Variants in ANKUB1 observed in about 807,000 individuals in gnomAD.
ANKUB1 encodes ankyrin repeat and ubiquitin domain containing 1, also known as protein ANKUB1.
A neutral mutation model predicts 49.3 loss-of-function variants in ANKUB1; 42 were observed. That is an observed-to-expected ratio of 0.85 (90% CI 0.67 to 1.10). ANKUB1 has a LOEUF of 1.10. Among genes scored for constraint, ANKUB1 ranks in the 50% least tolerant of loss-of-function variants. ANKUB1 has a pLI of 0.00. For synonymous variants in ANKUB1, 222 were observed against 231.0 expected (o/e 0.96, Z 0.35); for missense variants, 613 against 642.0 (o/e 0.95, Z 0.49).
intron 5 of ANKUB1, among the ~76,000 whole-genome samples, chr3:149,765,941 G>T (rs1716994041): frequency 1.3e-5 from 2 of 152,160 alleles, no homozygotes; most frequent in Non-Finnish European, 2.9e-5. Context: ...TCACCACAAG[G>T]TGGCAACAAC....
intron 4 of ANKUB1, 86 bp downstream of exon 4, chr3:149,770,474 T>A: frequency 1.1e-6 from 1 of 931,892 alleles, no homozygotes; most frequent in Non-Finnish European, 1.7e-6. Context: ...AGCTGTAGAG[T>A]GAGTGAATTG....
chr3:149,791,620 G>T (rs576500053), intron 1 of ANKUB1, among the ~76,000 whole-genome samples: 4 of 152,172 alleles, frequency 2.6e-5, no homozygotes, highest in African/African-American at 9.6e-5. Context: ...AGTAAATGCC[G>T]CTTAGCAAAT....
intron 3 of ANKUB1, among the ~76,000 whole-genome samples, chr3:149,777,616 T>G (rs1717661539): frequency 6.6e-6 from 1 of 152,244 alleles, no homozygotes. Flanking sequence ...TGTTTCCCAG[T>G]GCTCTCAGCA....
intron 3 of ANKUB1, among the ~76,000 whole-genome samples, chr3:149,775,157 C>A (rs754252304): frequency 6.6e-6 from 1 of 152,218 alleles, no homozygotes; most frequent in Non-Finnish European, 1.5e-5. Flanking sequence ...TTTAGGCAAT[C>A]ATCTTCAACC....
chr3:149,780,722 A>G (rs1717824938), intron 2 of ANKUB1, among the ~76,000 whole-genome samples: 1 of 152,166 alleles, frequency 6.6e-6, no homozygotes, highest in Non-Finnish European at 1.5e-5. Flanking sequence ...GATACATAAG[A>G]GTGTTGATAA....
In ANKUB1 at chr3:149,770,657, C is replaced by T. The variant is rs1717312937; in HGVS notation, c.469G>A (p.Asp157Asn). 5 of 1,548,330 alleles carry T rather than the reference C, an allele frequency of 3.2e-6. No individual in the cohort carries two copies. Among genetic ancestry groups the T allele is most frequent in the Non-Finnish European group, 4.4e-6 (5 of 1,145,276 alleles). Residue 157 changes from aspartate (D) to asparagine (N), a missense_variant, in exon 4 of 6, where the codon GAT (aspartate) becomes AAT (asparagine). Transcript: ENST00000446160. ...AATTCCTTCCATCCATCCCAGACAT[C>T]CAAGCGAAGTGTTGTGCCTGTGGAT... ...QTDIGTTLRLDVWDGWKEFLM... is the reference protein window; with the variant it reads ...QTDIGTTLRLNVWDGWKEFLM...
intron 2 of ANKUB1, among the ~76,000 whole-genome samples, chr3:149,781,799 T>C (rs1344733571): frequency 2.0e-5 from 3 of 152,208 alleles, no homozygotes; most frequent in Non-Finnish European, 4.4e-5. Context: ...CTAGGGCCCA[T>C]TTCAGTGACT....
At chr3:149,788,509 T>A (rs955235716) in intron 2 of ANKUB1, among the ~76,000 whole-genome samples, 20 of 152,180 alleles carry the variant, frequency 1.3e-4, no homozygotes, top group Admixed American at 1.1e-3. Context: ...GGAAAATTTT[T>A]AAAATATTTT....
chr3:149,775,068 G>A (rs559405761), intron 3 of ANKUB1, among the ~76,000 whole-genome samples: 1 of 152,206 alleles, frequency 6.6e-6, no homozygotes, highest in Non-Finnish European at 1.5e-5. Flanking sequence ...ACAAAACCTG[G>A]ATCTGTCCAT....
intron 5 of ANKUB1, among the ~76,000 whole-genome samples, chr3:149,763,741 T>C (rs1417878399): frequency 6.6e-6 from 1 of 152,130 alleles, no homozygotes; most frequent in Non-Finnish European, 1.5e-5. Flanking sequence ...CCTACTGACG[T>C]CTAGGCTGAG....
intron 2 of ANKUB1, among the ~76,000 whole-genome samples, chr3:149,788,620 G>A (rs1026031122): frequency 9.9e-5 from 15 of 152,066 alleles, no homozygotes; most frequent in Non-Finnish European, 2.1e-4. Flanking sequence ...AAAACTTCAG[G>A]TAAAAGAGTT....
intron 3 of ANKUB1, among the ~76,000 whole-genome samples, chr3:149,775,094 G>C (rs145427096): frequency 6.6e-6 from 1 of 152,228 alleles, no homozygotes; most frequent in African/African-American, 2.4e-5. Flanking sequence ...GCTTGCAAAC[G>C]TATCTACTAT....
chr3:149,782,257 T>TC (rs1379644485), intron 2 of ANKUB1, among the ~76,000 whole-genome samples: 2 of 151,844 alleles, frequency 1.3e-5, no homozygotes, highest in Non-Finnish European at 1.5e-5. Flanking sequence ...AAGTCACTCT[T>TC]TAAAAAAAAA....
At chr3:149,772,920 T>C (rs1286864877) in intron 3 of ANKUB1, among the ~76,000 whole-genome samples, 1 of 152,214 alleles carries the variant, frequency 6.6e-6, no homozygotes, top group Non-Finnish European at 1.5e-5. Context: ...GGCTGAGATT[T>C]CAGAACACCA....
chr3:149,761,968 A>G (rs918242227), intron 5 of ANKUB1, among the ~76,000 whole-genome samples: 1 of 152,164 alleles, frequency 6.6e-6, no homozygotes, highest in African/African-American at 2.4e-5. Context: ...CCCTACGAAC[A>G]CACATGAGGA....
chr3:149,766,779 C>A lies in ANKUB1; in HGVS notation c.1505+378G>T. ...CACCACTGCACTCCAGCCTGAGCAA[C>A]AGAACGAGACCCTGTCTCAAACAAA... On this transcript the variant is annotated intron_variant, in intron 5 of 5. Transcript: ENST00000446160. 3 of 1,051,466 alleles carry A rather than the reference C, an allele frequency of 2.9e-6. No individual in the cohort carries two copies. In the South Asian group the frequency reaches 4.1e-5, roughly 14 times the overall value. 65.1% of individuals were successfully genotyped at this position (1,051,466 alleles called of 1,614,324 possible).
intron 2 of ANKUB1, among the ~76,000 whole-genome samples, chr3:149,788,893 A>G (rs1342628919): frequency 2.0e-5 from 3 of 151,680 alleles, no homozygotes; most frequent in African/African-American, 7.3e-5. Context: ...TCTTTTCCTC[A>G]GCCTCCTGAG....
chr3:149,779,448 G>A (rs984910848), intron 3 of ANKUB1: 1 of 152,044 alleles, frequency 6.6e-6, no homozygotes, highest in Admixed American at 6.6e-5. Context: ...TAGCATTAGA[G>A]GTATGAATCA....
chr3:149,776,127 C>T (rs76959619), intron 3 of ANKUB1, among the ~76,000 whole-genome samples: 3,679 of 152,264 alleles, frequency 0.024, 65 homozygotes, highest in Non-Finnish European at 0.035. Context: ...TAAAGCTGCT[C>T]TCTCTAAGCC....
Sources: gnomAD v4.1 joint callset for allele counts (sites outside exome capture counted in the v4.1 genomes callset) on GRCh38, gnomAD v4.1.1 for gene constraint, MANE v1.5 for transcripts, NCBI Gene and HGNC (gene_info 2026-07-23, HGNC 2026-07-21) for gene names.